Variants in NUP50 observed in about 807,000 individuals in gnomAD.
NUP50 encodes nuclear pore complex protein Nup50.
Under a neutral mutation model 36.8 loss-of-function variants are expected in NUP50, and 14 were observed. That is an observed-to-expected ratio of 0.38 (90% CI 0.25 to 0.59). The LOEUF (loss-of-function observed/expected upper bound fraction) is 0.59, where lower values mean the gene tolerates loss of function less well. NUP50 is among the 20% of genes least tolerant of loss of function. NUP50 has a pLI of 0.63. For synonymous variants in NUP50, 195 were observed against 210.8 expected (o/e 0.93, Z 0.65); for missense variants, 455 against 564.6 (o/e 0.81, Z 1.97).
intron 2 of NUP50, among the ~76,000 whole-genome samples, chr22:45,168,777 G>A (rs1167649547): frequency 6.6e-6 from 1 of 152,058 alleles, no homozygotes; most frequent in African/African-American, 2.4e-5. Flanking sequence ...ATAGAATTGA[G>A]ATTGGCCTAG....
At chr22:45,179,238 TTCATCATGA>T in intron 5 of NUP50, 1 of 224,018 alleles carries the variant, frequency 4.5e-6, no homozygotes, top group Non-Finnish European at 8.8e-6. Context: ...GTTCATCAAG[TTCATCATGA>T]ATGTCCCCTG....
intron 1 of NUP50, among the ~76,000 whole-genome samples, chr22:45,165,274 G>GCACA (rs1261316069): frequency 6.6e-6 from 1 of 152,178 alleles, no homozygotes; most frequent in African/African-American, 2.4e-5. Flanking sequence ...ACTGGGTCTT[G>GCACA]CTTTGTCACC....
At chr22:45,182,881 C>T (rs144695273) in intron 6 of NUP50, among the ~76,000 whole-genome samples, 3,883 of 151,856 alleles carry the variant, frequency 0.026, 146 homozygotes, top group African/African-American at 0.088. Context: ...GCCTCGGCCT[C>T]CCAAAGTGCT....
rs2074444672 is a variant in NUP50 at position 45,184,824 on chromosome 22, C to T, written c.*169C>T. 3.2e-6 allele frequency: 2 copies of T among 621,178 alleles called. No homozygotes were observed. 38.5% of individuals were successfully genotyped at this position (621,178 alleles called of 1,614,324 possible). On this transcript the variant is annotated 3_prime_UTR_variant, in exon 8 of 8. Coordinates refer to ENST00000347635, the MANE Select transcript of NUP50 (RefSeq NM_007172.4). The stretch of plus-strand genomic sequence containing the variant: ...AATAAAACCTTTAAATGTTAAGTGT[C>T]AAGAAACTGCACTCTCCCTTCTTAA...
At chr22:45,171,872 T>G (rs1287219251) in intron 3 of NUP50, 189 bp downstream of exon 3, 5 of 524,778 alleles carry the variant, frequency 9.5e-6, no homozygotes, top group African/African-American at 1.9e-5. Flanking sequence ...CTTATCCAGT[T>G]GAGGAAATAA....
Position 45,187,141 on chromosome 22 carries a change from G to A in NUP50, c.*2486G>A, listed in dbSNP as rs1285560777. On this transcript the variant is annotated 3_prime_UTR_variant, in exon 8 of 8. Coordinates refer to ENST00000347635, the MANE Select transcript of NUP50 (RefSeq NM_007172.4). ...TTATTCTGAAATTGTTTTGCATCTG[G>A]ACAAATACTAAATATCCCAGTGGCC... 1 of 148,232 alleles carries A rather than the reference G, an allele frequency of 6.7e-6. No individual in the cohort carries two copies. The highest frequency in any genetic ancestry group is 1.5e-5 in the Non-Finnish European group (1 of 67,530). The allele number at this position is 148,232 out of a possible 1,614,324, so 9.2% of individuals were successfully genotyped here.
intron 5 of NUP50, chr22:45,180,445 C>T (rs941440112): frequency 6.6e-6 from 1 of 152,276 alleles, no homozygotes; most frequent in African/African-American, 2.4e-5. Flanking sequence ...GCAATCATAG[C>T]TCACTACAGC....
chr22:45,177,768 G>C (rs1271027418), intron 4 of NUP50: 3 of 155,092 alleles, frequency 1.9e-5, no homozygotes, highest in African/African-American at 7.3e-5. Context: ...TTTATTCATC[G>C]GCTTTACTGA....
At position 45,183,598 on chromosome 22, in the gene NUP50, A is replaced by G. The variant is rs536041634; in HGVS notation, c.1204+78A>G. ...GCGTTTACCCTGCTGACTCAAGGTT[A>G]TTAATATGTTTTTAAACAGAGCGCA... On this transcript the variant is annotated intron_variant, in intron 7 of 7. Coordinates refer to ENST00000347635, the MANE Select transcript of NUP50 (RefSeq NM_007172.4). 179 of 933,140 alleles carry G rather than the reference A, an allele frequency of 1.9e-4. No individual in the cohort carries two copies. The African/African-American group carries it at 2.7e-3, about 14-fold the overall frequency. The allele number at this position is 933,140 out of a possible 1,614,324, so 57.8% of individuals were successfully genotyped here.
intron 2 of NUP50, among the ~76,000 whole-genome samples, chr22:45,169,090 CAG>C (rs1165886388): frequency 6.6e-6 from 1 of 152,042 alleles, no homozygotes; most frequent in African/African-American, 2.4e-5. Flanking sequence ...TTAGTAGAGA[CAG>C]GGATTCACCA....
intron 5 of NUP50, 96 bp downstream of exon 5, chr22:45,178,996 A>C: frequency 2.5e-6 from 3 of 1,190,400 alleles, no homozygotes; most frequent in Non-Finnish European, 3.5e-6. Flanking sequence ...GTCTGGATTC[A>C]CATTGAGACG....
rs888187961 is a variant in NUP50, at chr22:45,186,115, A to C, written c.*1460A>C. 3.3e-5 allele frequency: 5 copies of C among 152,200 alleles called. No individual in the cohort carries two copies. Among genetic ancestry groups the C allele is most frequent in the Non-Finnish European group, 7.3e-5 (5 of 68,028 alleles). 9.4% of individuals were successfully genotyped at this position (152,200 alleles called of 1,614,324 possible). On this transcript the variant is annotated 3_prime_UTR_variant, in exon 8 of 8. Coordinates refer to ENST00000347635, the MANE Select transcript of NUP50 (RefSeq NM_007172.4). Reference sequence around the variant, plus strand: ...TGAACTCCTAAGTCACTGAGGTGTGATTGGGCCAATGTTGGCATGAGGTTC... The same window carrying C: ...TGAACTCCTAAGTCACTGAGGTGTGCTTGGGCCAATGTTGGCATGAGGTTC...
In NUP50 at chr22:45,168,168, G is replaced by A. The variant is rs776606953; in HGVS notation, c.-10G>A. On this transcript the variant is annotated splice_region_variant and 5_prime_UTR_variant, in exon 2 of 8. Transcript: ENST00000347635. ...AACTCTTCTGTTTTCTATAACTTAG[G>A]TTCGAAAACATGGCCAAAAGAAATG... 6.2e-7 allele frequency: 1 copy of A among 1,601,216 alleles called. No homozygotes were observed. Among genetic ancestry groups the A allele is most frequent in the Non-Finnish European group, 8.5e-7 (1 of 1,174,858 alleles).
At chr22:45,178,181 C>A in intron 4 of NUP50, 57 bp from the exon 5 acceptor site, 1 of 1,508,620 alleles carries the variant, frequency 6.6e-7, no homozygotes, top group South Asian at 1.3e-5. Flanking sequence ...GCAAAAAAAT[C>A]TAGATGATTT....
chr22:45,168,964 C>T (rs1268353148), intron 2 of NUP50, among the ~76,000 whole-genome samples: 3 of 145,730 alleles, frequency 2.1e-5, no homozygotes, highest in African/African-American at 7.6e-5. Context: ...TGCGGTGGCA[C>T]AACCTCGGCT....
rs949094498 is a variant in NUP50, at chr22:45,171,159, C to G, written c.70-441C>G. ...CGTACAGTGGGCAAGTTGGGCAGGACTCATCTTAAAAATCATGTGTATGTT... is the reference window on the plus strand; with the variant it reads ...CGTACAGTGGGCAAGTTGGGCAGGAGTCATCTTAAAAATCATGTGTATGTT... On this transcript the variant is annotated intron_variant, in intron 2 of 7. Transcript: ENST00000347635. 2.5e-6 allele frequency: 3 copies of G among 1,188,426 alleles called. No individual in the cohort carries two copies. The African/African-American group carries it at 4.9e-5, about 19-fold the overall frequency. The allele number at this position is 1,188,426 out of a possible 1,614,324, so 73.6% of individuals were successfully genotyped here.
chr22:45,183,713 G>A, intron 7 of NUP50, 193 bp downstream of exon 7: 3 of 509,742 alleles, frequency 5.9e-6, no homozygotes, highest in Non-Finnish European at 1.1e-5. Context: ...GTTAGAAGCT[G>A]TAAACAAAAT....
In NUP50 at chr22:45,178,368, C is replaced by T. The variant is rs746256881; in HGVS notation, c.471C>T (p.His157=). Residue 157 remains histidine (H), a synonymous_variant, in exon 5 of 8, where the codon CAC becomes CAT. Transcript: ENST00000347635. ...AAGCTTGTGTCGGAAATGCCTATCA[C>T]AAGCAGTTGGCCGCCTTGAACTGCT... The part of the protein sequence containing the change: ...SSKACVGNAY[H]KQLAALNCSV... 2.5e-6 allele frequency: 4 copies of T among 1,613,992 alleles called. No homozygotes were observed. In the Admixed American group the frequency reaches 5.0e-5, roughly 20 times the overall value.
At position 45,176,061 on chromosome 22, in the gene NUP50, A is replaced by C. The variant is rs1160789004; in HGVS notation, c.321A>C (p.Ala107=). The change falls in exon 4 of 8, where the codon GCA becomes GCC. Residue 107 remains alanine (A), a synonymous_variant. Coordinates refer to ENST00000347635, the MANE Select transcript of NUP50 (RefSeq NM_007172.4). ...APPFASAKAA[A]DPKVAFGSLA... ...CCTTCGCCAGTGCAAAGGCAGCGGC[A>C]GATCCCAAGGTAGCCTTTGGTAAGT... 1.9e-6 allele frequency: 3 copies of C among 1,613,898 alleles called. No homozygotes were observed. In the East Asian group the frequency reaches 6.7e-5, roughly 36 times the overall value.
Sources: gnomAD v4.1 joint callset for allele counts (sites outside exome capture counted in the v4.1 genomes callset) on GRCh38, gnomAD v4.1.1 for gene constraint, MANE v1.5 for transcripts, NCBI Gene and HGNC (gene_info 2026-07-23, HGNC 2026-07-21) for gene names.